The following STAM variants were observed in gnomAD, a reference collection of about 807,000 sequenced individuals.
The protein encoded by STAM is signal transducing adaptor molecule.
STAM carries 16 observed loss-of-function variants against 63.4 expected under a neutral mutation model. The observed-to-expected ratio is 0.25, with a 90% CI of 0.17 to 0.38. STAM has a LOEUF of 0.38. Among genes scored for constraint, STAM ranks in the 10% least tolerant of loss-of-function variants. STAM has a pLI of 1.00. For missense variants in STAM, 636 were observed against 657.1 expected (o/e 0.97, Z 0.35); for synonymous variants, 238 against 223.9 (o/e 1.06, Z -0.56).
intron 2 of STAM, among the ~76,000 whole-genome samples, chr10:17,661,508 T>G (rs1214271173): frequency 6.6e-6 from 1 of 152,244 alleles, no homozygotes; most frequent in African/African-American, 2.4e-5. Flanking sequence ...TTTGCAGCTC[T>G]TCTTACTCAA....
At chr10:17,670,042 T>C (rs1256000372) in intron 2 of STAM, among the ~76,000 whole-genome samples, 1 of 152,094 alleles carries the variant, frequency 6.6e-6, no homozygotes, top group Non-Finnish European at 1.5e-5. Flanking sequence ...GAATTTCCCT[T>C]CTTAAAGGGT....
intron 1 of STAM, among the ~76,000 whole-genome samples, chr10:17,648,607 A>C (rs1182315916): frequency 6.6e-6 from 1 of 152,154 alleles, no homozygotes; most frequent in South Asian, 2.1e-4. Flanking sequence ...AACCCACCAG[A>C]GGGAACAAAC....
At chr10:17,682,484 A>T (rs1315439502) in intron 2 of STAM, among the ~76,000 whole-genome samples, 1 of 152,182 alleles carries the variant, frequency 6.6e-6, no homozygotes, top group Non-Finnish European at 1.5e-5. Flanking sequence ...AAGGGAAATT[A>T]TGGTTCTGTG....
rs781819077 is a variant in STAM at position 17,644,264 on chromosome 10, C to T, written c.-76C>T. 49 of 1,545,190 alleles carry T rather than the reference C, an allele frequency of 3.2e-5. No homozygotes were observed. Among genetic ancestry groups the T allele is most frequent in the Non-Finnish European group, 3.9e-5 (44 of 1,119,234 alleles). On this transcript the variant is annotated 5_prime_UTR_variant, in exon 1 of 14. Coordinates refer to ENST00000377524, the MANE Select transcript of STAM (RefSeq NM_003473.4). ...CTGTTGCTCTTTTTGCCTGAGGAGT[C>T]TTCCATCCTACGTCGAGCTCTGACT...
At chr10:17,664,111 A>G (rs1834282194) in intron 2 of STAM, among the ~76,000 whole-genome samples, 1 of 152,090 alleles carries the variant, frequency 6.6e-6, no homozygotes, top group South Asian at 2.1e-4. Context: ...TTCCAAAATT[A>G]TTGTGAGTCC....
chr10:17,655,701 A>G (rs781967629), intron 1 of STAM, among the ~76,000 whole-genome samples: 2 of 152,298 alleles, frequency 1.3e-5, no homozygotes, highest in Non-Finnish European at 2.9e-5. Flanking sequence ...CAAGAATTTC[A>G]TTATCACTTG....
Position 17,696,809 on chromosome 10 carries a change from G to T in STAM, c.763G>T (p.Gly255Cys). 1 of 1,614,036 alleles carries T rather than the reference G, an allele frequency of 6.2e-7. No individual in the cohort carries two copies. The change falls in exon 8 of 14, where the codon GGC becomes TGC. Residue 255 changes from glycine to cysteine, a missense_variant. By Grantham distance (159) the Gly-to-Cys change is radical. Around this residue, in one of 3 missense-constraint regions of STAM, gnomAD observed 532 missense variants for 536.9 expected, o/e 0.99. Coordinates refer to ENST00000377524, the MANE Select transcript of STAM (RefSeq NM_003473.4). ...CTGGTGGAAAGGTGAAACCCATCAA[G>T]GCATAGGGTTATTTCCTTCTAATTT... is the stretch of plus-strand genomic sequence containing the variant. The part of the protein sequence containing the change: ...PNWWKGETHQ[G>C]IGLFPSNFVT...
chr10:17,698,002 T>C (rs1835835871), intron 8 of STAM, among the ~76,000 whole-genome samples: 1 of 152,174 alleles, frequency 6.6e-6, no homozygotes, highest in South Asian at 2.1e-4. Flanking sequence ...TTATAATACA[T>C]ACTACATATT....
chr10:17,684,300 A>G (rs1351072201), intron 2 of STAM, among the ~76,000 whole-genome samples: 1 of 152,170 alleles, frequency 6.6e-6, no homozygotes, highest in Non-Finnish European at 1.5e-5. Context: ...TAAAAAGTTA[A>G]CCTCAGTGTG....
intron 2 of STAM, among the ~76,000 whole-genome samples, chr10:17,666,480 C>T (rs1344574778): frequency 2.7e-5 from 4 of 149,876 alleles, no homozygotes; most frequent in Admixed American, 6.7e-5. Flanking sequence ...CTGCAAGCTC[C>T]GCCTGCCGGG....
chr10:17,686,251 A>G (rs1459904606), intron 4 of STAM, among the ~76,000 whole-genome samples: 1 of 152,224 alleles, frequency 6.6e-6, no homozygotes, highest in Admixed American at 6.5e-5. Context: ...AATGTGGTAT[A>G]CTTACCTATG....
intron 2 of STAM, among the ~76,000 whole-genome samples, chr10:17,670,623 A>G (rs1554823965): frequency 6.6e-6 from 1 of 152,180 alleles, no homozygotes; most frequent in Non-Finnish European, 1.5e-5. Context: ...TCAAAATATC[A>G]TCGTACTGAA....
Position 17,704,088 on chromosome 10 carries a change from G to A in STAM, c.913-343G>A, listed in dbSNP as rs74488146. ...TTAAGAGAATCTCTGTTAGCAGTTG[G>A]TTGGTTGGTTTATTTATTTATTTAA... is the stretch of plus-strand genomic sequence containing the variant. On this transcript the variant is annotated intron_variant, in intron 9 of 13. Coordinates refer to ENST00000377524, the MANE Select transcript of STAM (RefSeq NM_003473.4). 8.6e-3 allele frequency among the ~76,000 whole-genome samples: 1,303 copies of A among 152,300 alleles called. 8 individuals carry two copies. Among genetic ancestry groups the A allele is most frequent in the Admixed American group, 0.013 (204 of 15,292 alleles).
At chr10:17,675,799 A>AT (rs5783557) in intron 2 of STAM, among the ~76,000 whole-genome samples, 15,071 of 151,388 alleles carry the variant, frequency 0.1, 801 homozygotes, top group Middle Eastern at 0.16. Flanking sequence ...TACCTATTGA[A>AT]TTTTTTTTTA....
intron 4 of STAM, 90 bp from the exon 5 acceptor site, chr10:17,687,937 C>A: frequency 1.8e-6 from 2 of 1,127,822 alleles, no homozygotes; most frequent in Non-Finnish European, 2.4e-6. Context: ...ATTCAAAAAA[C>A]ATCACTTAAT....
chr10:17,695,299 A>C, intron 7 of STAM, 58 bp downstream of exon 7: 3 of 1,495,964 alleles, frequency 2.0e-6, no homozygotes, highest in African/African-American at 2.8e-5. Flanking sequence ...TCTGTGTTTC[A>C]TATTATTCCT....
At chr10:17,683,132 C>G (rs969028661) in intron 2 of STAM, among the ~76,000 whole-genome samples, 7 of 152,026 alleles carry the variant, frequency 4.6e-5, no homozygotes, top group African/African-American at 1.7e-4. Context: ...TTTTGTGTAT[C>G]AATCAAATGG....
At position 17,661,972 on chromosome 10, in the gene STAM, T is replaced by C. The variant is rs540074363; in HGVS notation, c.125+1424T>C. 7.2e-5 allele frequency among the ~76,000 whole-genome samples: 11 copies of C among 152,352 alleles called. No individual in the cohort carries two copies. The East Asian group carries it at 2.1e-3, about 29-fold the overall frequency. On this transcript the variant is annotated intron_variant, in intron 2 of 13. Coordinates refer to ENST00000377524, the MANE Select transcript of STAM (RefSeq NM_003473.4). ...GTTCATTAATTTAATTGAAAATTTT[T>C]AACTACTGTGTGTTACATATCGCGT... is the stretch of plus-strand genomic sequence containing the variant.
intron 1 of STAM, among the ~76,000 whole-genome samples, chr10:17,649,932 T>C (rs1286274117): frequency 6.6e-6 from 1 of 152,170 alleles, no homozygotes; most frequent in African/African-American, 2.4e-5. Context: ...AATATTTTAG[T>C]GTTGTAGTTA....
Sources: gnomAD v4.1 joint callset for allele counts (sites outside exome capture counted in the v4.1 genomes callset) on GRCh38, gnomAD v4.1.1 for gene constraint, gnomAD v4.1.1 regional missense constraint, MANE v1.5 for transcripts, NCBI Gene and HGNC (gene_info 2026-07-23, HGNC 2026-07-21) for gene names.